The following PPP1R9A variants were observed in gnomAD, a reference collection of about 807,000 sequenced individuals.
The protein encoded by PPP1R9A is neurabin-1.
A neutral mutation model predicts 141.9 loss-of-function variants in PPP1R9A; 59 were observed. That is an observed-to-expected ratio of 0.42 (90% confidence interval 0.34 to 0.52). PPP1R9A has a LOEUF of 0.52. PPP1R9A is among the 20% of genes least tolerant of loss of function. The pLI is 0.10. For missense variants in PPP1R9A, 1,444 were observed against 1,611.9 expected (o/e 0.90, Z 1.78); for synonymous variants, 500 against 569.7 (o/e 0.88, Z 1.74).
rs1007976521 is a variant in PPP1R9A, at chr7:95,292,669, G to A, written c.*2366G>A. On this transcript the variant is annotated 3_prime_UTR_variant, in exon 20 of 20. Coordinates refer to ENST00000433360, the MANE Select transcript of PPP1R9A (RefSeq NM_001166160.2). Reference sequence around the variant, plus strand: ...TTCCTAAAATCATTTAGTATTATAAGTATTTTGATTTTTTAAGTTAAATTA... The same window carrying A: ...TTCCTAAAATCATTTAGTATTATAAATATTTTGATTTTTTAAGTTAAATTA... 1 of 152,062 alleles carries A rather than the reference G, an allele frequency of 6.6e-6. No individual in the cohort carries two copies. The highest frequency in any genetic ancestry group is 1.5e-5 in the Non-Finnish European group (1 of 68,014). The allele number at this position is 152,062 out of a possible 1,614,324, so 9.4% of individuals were successfully genotyped here.
At chr7:95,117,420 C>T (rs1821717981) in intron 3 of PPP1R9A, among the ~76,000 whole-genome samples, 1 of 152,048 alleles carries the variant, frequency 6.6e-6, no homozygotes, top group Admixed American at 6.6e-5. Flanking sequence ...TTGTATTGCC[C>T]TTCAGTCATC....
At chr7:94,973,908 G>A (rs1799145955) in intron 2 of PPP1R9A, among the ~76,000 whole-genome samples, 1 of 151,748 alleles carries the variant, frequency 6.6e-6, no homozygotes, top group Admixed American at 6.6e-5. Flanking sequence ...GTAGAGACAG[G>A]GTCTCATTAT....
At chr7:95,036,427 A>G (rs1019230022) in intron 2 of PPP1R9A, 24 of 152,212 alleles carry the variant, frequency 1.6e-4, no homozygotes, top group African/African-American at 5.8e-4. Flanking sequence ...TATGAGTTCT[A>G]GGCTGTTCTT....
intron 7 of PPP1R9A, among the ~76,000 whole-genome samples, chr7:95,225,319 CT>C (rs551020897): frequency 6.4e-4 from 98 of 152,198 alleles, no homozygotes; most frequent in Middle Eastern, 3.4e-3. Flanking sequence ...AAATCTAGAA[CT>C]TTATGTGAAA....
At chr7:95,055,643 C>G (rs894975529) in intron 2 of PPP1R9A, among the ~76,000 whole-genome samples, 1 of 152,082 alleles carries the variant, frequency 6.6e-6, no homozygotes, top group Non-Finnish European at 1.5e-5. Context: ...ATTTTTAAGC[C>G]TAGCCTTTGA....
At chr7:95,134,087 A>G (rs1043664678) in intron 4 of PPP1R9A, among the ~76,000 whole-genome samples, 1 of 152,158 alleles carries the variant, frequency 6.6e-6, no homozygotes, top group Non-Finnish European at 1.5e-5. Context: ...TCAACGATAG[A>G]CTGGATAAAG....
At chr7:95,220,727 T>C (rs1794298574) in intron 7 of PPP1R9A, among the ~76,000 whole-genome samples, 1 of 152,090 alleles carries the variant, frequency 6.6e-6, no homozygotes, top group Non-Finnish European at 1.5e-5. Flanking sequence ...AAGAAGTTGA[T>C]GAGAGAAGGC....
intron 2 of PPP1R9A, among the ~76,000 whole-genome samples, chr7:95,060,658 A>T (rs1584484564): frequency 6.6e-6 from 1 of 152,298 alleles, no homozygotes; most frequent in African/African-American, 2.4e-5. Context: ...CTGGATTTAG[A>T]TGCTGACATC....
At chr7:94,928,761 AT>A (rs1404268478) in intron 2 of PPP1R9A, among the ~76,000 whole-genome samples, 9 of 152,214 alleles carry the variant, frequency 5.9e-5, no homozygotes, top group African/African-American at 2.2e-4. Flanking sequence ...TGTAAATTGA[AT>A]TCTTTGGGGA....
At chr7:95,125,550 A>C (rs1337438834) in intron 4 of PPP1R9A, among the ~76,000 whole-genome samples, 1 of 152,234 alleles carries the variant, frequency 6.6e-6, no homozygotes, top group Non-Finnish European at 1.5e-5. Flanking sequence ...AAGCAAAATT[A>C]GTTTCATAAA....
chr7:95,122,648 A>T (rs2152492674), intron 4 of PPP1R9A, among the ~76,000 whole-genome samples: 1 of 152,342 alleles, frequency 6.6e-6, no homozygotes, highest in African/African-American at 2.4e-5. Flanking sequence ...GTTTGAAATA[A>T]ATCTTTTGAG....
At chr7:95,167,981 T>TACTG (rs1831530791) in intron 5 of PPP1R9A, among the ~76,000 whole-genome samples, 1 of 152,150 alleles carries the variant, frequency 6.6e-6, no homozygotes. Flanking sequence ...CAGAGCAGTC[T>TACTG]ACTGATTCAG....
chr7:95,268,647 T>C lies in PPP1R9A; in HGVS notation c.2763T>C (p.Ser921=), dbSNP rs112881012. ...LSVKNRRQRP[S]RTRLYDSVSS... ...TGAAGAACAGACGCCAGAGACCCTC[T>C]AGGACAAGACTGTATGATAGTGTTA... Residue 921 remains serine, a synonymous_variant, in exon 13 of 20, where the codon TCT becomes TCC. Coordinates refer to ENST00000433360, the MANE Select transcript of PPP1R9A (RefSeq NM_001166160.2). The C allele has an allele frequency of 6.2e-7, 1 of 1,613,472 alleles. No homozygotes were observed. Among genetic ancestry groups the C allele is most frequent in the Non-Finnish European group, 8.5e-7 (1 of 1,179,548 alleles).
At chr7:95,042,754 AAGAT>A (rs1311115921) in intron 2 of PPP1R9A, among the ~76,000 whole-genome samples, 1 of 152,194 alleles carries the variant, frequency 6.6e-6, no homozygotes, top group Non-Finnish European at 1.5e-5. Context: ...GAAAAGGTGA[AAGAT>A]ATCATCAAGC....
At chr7:94,931,963 A>G (rs954664905) in intron 2 of PPP1R9A, among the ~76,000 whole-genome samples, 4 of 151,954 alleles carry the variant, frequency 2.6e-5, no homozygotes, top group Non-Finnish European at 4.4e-5. Flanking sequence ...TTCCATGGCT[A>G]TTTCTTCTTC....
intron 2 of PPP1R9A, among the ~76,000 whole-genome samples, chr7:95,069,166 A>T (rs1240071140): frequency 1.3e-5 from 2 of 152,184 alleles, no homozygotes; most frequent in African/African-American, 4.8e-5. Flanking sequence ...TGCAGAACTC[A>T]TGGATATGAA....
At chr7:95,244,444 GT>G (rs1393845052) in intron 8 of PPP1R9A, among the ~76,000 whole-genome samples, 14 of 152,254 alleles carry the variant, frequency 9.2e-5, no homozygotes, top group African/African-American at 3.4e-4. Context: ...CACACCTGTT[GT>G]ATGTGAAAGG....
At chr7:94,941,198 TAG>T (rs1374130834) in intron 2 of PPP1R9A, among the ~76,000 whole-genome samples, 1 of 152,130 alleles carries the variant, frequency 6.6e-6, no homozygotes, top group East Asian at 1.9e-4. Context: ...CAGTGGCATT[TAG>T]AAGCTGTTGC....
At chr7:95,240,424 T>C (rs1797278522) in intron 8 of PPP1R9A, among the ~76,000 whole-genome samples, 1 of 152,036 alleles carries the variant, frequency 6.6e-6, no homozygotes, top group African/African-American at 2.4e-5. Context: ...CTGTTTTTTT[T>C]CTAGAAATAC....
Sources: gnomAD v4.1 joint callset for allele counts (sites outside exome capture counted in the v4.1 genomes callset) on GRCh38, gnomAD v4.1.1 for gene constraint, MANE v1.5 for transcripts, NCBI Gene and HGNC (gene_info 2026-07-23, HGNC 2026-07-21) for gene names.